Variants in ST3GAL3 observed in about 807,000 individuals in gnomAD.
ST3GAL3 encodes the protein CMP-N-acetylneuraminate-beta-1,4-galactoside alpha-2,3-sialyltransferase.
ST3GAL3 carries 21 observed loss-of-function variants against 50.1 expected under a neutral mutation model. The ratio of observed to expected loss-of-function variants is 0.42; its 90% CI spans 0.30 to 0.60. The LOEUF (loss-of-function observed/expected upper bound fraction) is 0.60, where lower values mean the gene tolerates loss of function less well. Ranked by LOEUF, ST3GAL3 falls within the 20% of genes least tolerant of loss-of-function variation. The probability of loss-of-function intolerance (pLI) is 0.19; values close to 1 mark genes in which losing one functional copy is unlikely to be tolerated. For missense variants in ST3GAL3, 353 were observed against 489.4 expected (o/e 0.72, Z 2.63); for synonymous variants, 183 against 190.0 (o/e 0.96, Z 0.30).
At chr1:43,711,270 A>C (rs1419254666) in intron 1 of ST3GAL3, among the ~76,000 whole-genome samples, 1 of 152,250 alleles carries the variant, frequency 6.6e-6, no homozygotes, top group Non-Finnish European at 1.5e-5. Context: ...GGCTGATAGA[A>C]ACTCCATCTT....
chr1:43,921,698 C>T (rs1332368776), intron 11 of ST3GAL3: 2 of 398,638 alleles, frequency 5.0e-6, no homozygotes, highest in Non-Finnish European at 4.4e-6. Context: ...CTTATCTATC[C>T]TTCTCCATCA....
intron 2 of ST3GAL3, among the ~76,000 whole-genome samples, chr1:43,767,274 G>A (rs1194343411): frequency 6.6e-6 from 1 of 152,108 alleles, no homozygotes; most frequent in Admixed American, 6.5e-5. Context: ...ATGGATAGAG[G>A]CGCAAGAGTG....
chr1:43,910,539 G>A (rs1265225679), intron 9 of ST3GAL3, among the ~76,000 whole-genome samples: 1 of 152,260 alleles, frequency 6.6e-6, no homozygotes, highest in African/African-American at 2.4e-5. Context: ...GTCACCTTCT[G>A]AGAAGTGAGA....
chr1:43,777,392 G>A (rs1006101677), intron 2 of ST3GAL3, among the ~76,000 whole-genome samples: 7 of 151,996 alleles, frequency 4.6e-5, no homozygotes, highest in African/African-American at 9.7e-5. Flanking sequence ...TCAAGGCTAC[G>A]GTAACCAAAA....
At chr1:43,746,028 A>C (rs563831881) in intron 2 of ST3GAL3, among the ~76,000 whole-genome samples, 1 of 152,208 alleles carries the variant, frequency 6.6e-6, no homozygotes, top group Non-Finnish European at 1.5e-5. Context: ...TTGCACAATG[A>C]CGAAATTGCC....
intron 5 of ST3GAL3, among the ~76,000 whole-genome samples, chr1:43,881,719 C>G (rs1298894207): frequency 6.6e-6 from 1 of 152,022 alleles, no homozygotes; most frequent in Non-Finnish European, 1.5e-5. Flanking sequence ...TCCAGCTTGT[C>G]TGGACACGGA....
At chr1:43,775,655 G>T (rs1028334191) in intron 2 of ST3GAL3, among the ~76,000 whole-genome samples, 3 of 152,016 alleles carry the variant, frequency 2.0e-5, no homozygotes, top group African/African-American at 7.2e-5. Flanking sequence ...ACTTCTACTT[G>T]GGGGGACACA....
intron 9 of ST3GAL3, among the ~76,000 whole-genome samples, chr1:43,906,037 C>T (rs2079516218): frequency 2.0e-5 from 2 of 102,316 alleles, no homozygotes; most frequent in South Asian, 5.0e-4. Flanking sequence ...CGCCACTCTT[C>T]CTCCCCCTCC....
chr1:43,813,127 G>A (rs963786551), intron 3 of ST3GAL3, among the ~76,000 whole-genome samples: 14 of 152,144 alleles, frequency 9.2e-5, no homozygotes, highest in Non-Finnish European at 1.9e-4. Context: ...TGACATTTGA[G>A]TTTGCAACCA....
At chr1:43,828,275 C>G (rs2063084963) in intron 4 of ST3GAL3, among the ~76,000 whole-genome samples, 1 of 152,094 alleles carries the variant, frequency 6.6e-6, no homozygotes, top group African/African-American at 2.4e-5. Context: ...AGACTAAATG[C>G]AAAACCTGAA....
intron 2 of ST3GAL3, among the ~76,000 whole-genome samples, chr1:43,764,354 T>G (rs754975834): frequency 6.6e-6 from 1 of 152,166 alleles, no homozygotes; most frequent in Non-Finnish European, 1.5e-5. Flanking sequence ...CACTGTGATT[T>G]TGTGTATTTT....
At chr1:43,719,932 C>CA in intron 1 of ST3GAL3, among the ~76,000 whole-genome samples, 1 of 59,324 alleles carries the variant, frequency 1.7e-5, no homozygotes, top group African/African-American at 7.6e-5. Context: ...GACTCTGTCT[C>CA]AGAAAAAAAA....
At chr1:43,755,703 A>G (rs940092746) in intron 2 of ST3GAL3, among the ~76,000 whole-genome samples, 1 of 152,256 alleles carries the variant, frequency 6.6e-6, no homozygotes, top group Admixed American at 6.5e-5. Context: ...GTTGGAATCA[A>G]AAAGGAAGCA....
chr1:43,754,262 G>A (rs3791044), intron 2 of ST3GAL3, among the ~76,000 whole-genome samples: 35,594 of 152,054 alleles, frequency 0.23, 4,895 homozygotes, highest in Non-Finnish European at 0.31. Context: ...GCACAGTCCC[G>A]GCTCACTGCA....
chr1:43,862,831 G>A (rs1326040741), intron 5 of ST3GAL3, among the ~76,000 whole-genome samples: 2 of 151,868 alleles, frequency 1.3e-5, no homozygotes, highest in Admixed American at 6.6e-5. Context: ...CAGGAGGATC[G>A]CTTGAGCCAG....
At chr1:43,717,844 CAG>C (rs767869278) in intron 1 of ST3GAL3, among the ~76,000 whole-genome samples, 68 of 151,752 alleles carry the variant, frequency 4.5e-4, no homozygotes, top group Non-Finnish European at 7.5e-4. Flanking sequence ...CATACAAGAA[CAG>C]AACAAATAAT....
intron 3 of ST3GAL3, chr1:43,801,716 G>A (rs1253767672): frequency 4.0e-5 from 7 of 173,024 alleles, no homozygotes; most frequent in Admixed American, 3.4e-4. Flanking sequence ...CACTTTGGGA[G>A]GCCAAAGCAG....
At chr1:43,855,210 C>T (rs1028175088) in intron 5 of ST3GAL3, among the ~76,000 whole-genome samples, 2 of 152,172 alleles carry the variant, frequency 1.3e-5, no homozygotes, top group South Asian at 2.1e-4. Context: ...GAGCACCTAC[C>T]GTGTGCCAGA....
intron 2 of ST3GAL3, among the ~76,000 whole-genome samples, chr1:43,769,254 T>C (rs1444522324): frequency 6.6e-6 from 1 of 152,194 alleles, no homozygotes; most frequent in Non-Finnish European, 1.5e-5. Flanking sequence ...AGCAGAGAGC[T>C]TTCATCTGAA....
Sources: gnomAD v4.1 joint callset for allele counts (sites outside exome capture counted in the v4.1 genomes callset) on GRCh38, gnomAD v4.1.1 for gene constraint, MANE v1.5 for transcripts, NCBI Gene and HGNC (gene_info 2026-07-23, HGNC 2026-07-21) for gene names.